BCHE: variants seen among roughly 807,000 people sequenced by gnomAD.
BCHE encodes the protein butyrylcholinesterase, also known as cholinesterase.
A neutral mutation model predicts 51.3 loss-of-function variants in BCHE; 48 were observed. The observed-to-expected ratio is 0.94, with a 90% CI of 0.74 to 1.19. The LOEUF (loss-of-function observed/expected upper bound fraction) is 1.19, where lower values mean the gene tolerates loss of function less well. Ranked by LOEUF, BCHE falls within the 50% of genes most tolerant of loss-of-function variation. BCHE has a pLI of 0.00. For missense variants in BCHE, 847 were observed against 708.2 expected, an observed-to-expected ratio of 1.20 and a Z score of -2.23; for synonymous variants, 251 against 238.0, an observed-to-expected ratio of 1.05 and a Z score of -0.50.
chr3:165,822,105 G>C (rs930980492), intron 2 of BCHE, among the ~76,000 whole-genome samples: 2 of 151,556 alleles, frequency 1.3e-5, no homozygotes, highest in Non-Finnish European at 2.9e-5. Flanking sequence ...TATCAAAACA[G>C]GACAAAATAA....
At chr3:165,773,632 C>T in intron 3 of BCHE, 126 bp from the exon 4 acceptor site, 1 of 729,358 alleles carries the variant, frequency 1.4e-6, no homozygotes, top group Non-Finnish European at 2.1e-6. Context: ...TTTATTTATT[C>T]TTTATTATTT....
chr3:165,775,208 C>A (rs1376771423), intron 3 of BCHE, among the ~76,000 whole-genome samples: 1 of 151,888 alleles, frequency 6.6e-6, no homozygotes, highest in Admixed American at 6.6e-5. Flanking sequence ...AATATTTAAA[C>A]CTTTTTGCAG....
chr3:165,826,330 T>C (rs1714720700), intron 2 of BCHE, among the ~76,000 whole-genome samples: 1 of 152,054 alleles, frequency 6.6e-6, no homozygotes, highest in African/African-American at 2.4e-5. Context: ...AATAAACTAC[T>C]TTACACATAC....
chr3:165,831,139 C>A, intron 1 of BCHE, 98 bp from the exon 2 acceptor site: 1 of 1,095,188 alleles, frequency 9.1e-7, no homozygotes. Context: ...GTTAGTAATT[C>A]TACAAATTAT....
At chr3:165,813,527 C>T (rs540999420) in intron 2 of BCHE, among the ~76,000 whole-genome samples, 52 of 151,694 alleles carry the variant, frequency 3.4e-4, no homozygotes, top group African/African-American at 1.3e-3. Flanking sequence ...TTTTTGAAAT[C>T]TCATTGAAAA....
chr3:165,814,397 C>T, intron 2 of BCHE, among the ~76,000 whole-genome samples: 1 of 151,956 alleles, frequency 6.6e-6, no homozygotes, highest in East Asian at 1.9e-4. Context: ...ATAGTTATAG[C>T]TTTAGAGATT....
At chr3:165,784,947 A>G (rs1376393974) in intron 3 of BCHE, among the ~76,000 whole-genome samples, 1 of 151,820 alleles carries the variant, frequency 6.6e-6, no homozygotes, top group Non-Finnish European at 1.5e-5. Flanking sequence ...GGAGGACAAA[A>G]GGATGGCACT....
In BCHE at chr3:165,830,687, A is replaced by G. The variant is rs1035513618; in HGVS notation, c.347T>C (p.Leu116Pro). Reference sequence around the variant, plus strand: ...ATTTAGATATAAACAGTCTTCACTGAGGTCAGTGTTTGGGTTCCACATCTC... The same window carrying G: ...ATTTAGATATAAACAGTCTTCACTGGGGTCAGTGTTTGGGTTCCACATCTC... ...GSEMWNPNTD[L>P]SEDCLYLNVW... Residue 116 changes from leucine to proline, a missense_variant, in exon 2 of 4, where the codon CTC (leucine) becomes CCC (proline). By Grantham distance (98) the Leu-to-Pro change is moderately conservative. Transcript: ENST00000264381. 6.2e-7 allele frequency: 1 copy of G among 1,614,018 alleles called. No homozygotes were observed. The highest frequency in any genetic ancestry group is 1.3e-5 in the African/African-American group (1 of 75,036).
chr3:165,816,320 G>T (rs1714311944), intron 2 of BCHE, among the ~76,000 whole-genome samples: 1 of 151,914 alleles, frequency 6.6e-6, no homozygotes, highest in African/African-American at 2.4e-5. Flanking sequence ...TAGAGTTGAT[G>T]ATTACACAAA....
At chr3:165,781,569 C>T (rs554281880) in intron 3 of BCHE, among the ~76,000 whole-genome samples, 281 of 151,322 alleles carry the variant, frequency 1.9e-3, no homozygotes, top group African/African-American at 6.5e-3. Context: ...GGGAGGGGAA[C>T]AGTACACACT....
In BCHE at chr3:165,829,633, G is replaced by A; in HGVS notation, c.1401C>T (p.Gly467=). The A allele has an allele frequency of 3.1e-6, 5 of 1,613,754 alleles. No homozygotes were observed. Among genetic ancestry groups the A allele is most frequent in the Non-Finnish European group, 4.2e-6 (5 of 1,179,828 alleles). ...PWPEWMGVMH[G]YEIEFVFGLP... ...AACCAAAGACAAATTCAATTTCATAGCCATGCATCACTCCCATCCATTCTG... is the reference window on the plus strand; with the variant it reads ...AACCAAAGACAAATTCAATTTCATAACCATGCATCACTCCCATCCATTCTG... The change falls in exon 2 of 4, where the codon GGC becomes GGT. Residue 467 remains glycine, a synonymous_variant. Coordinates refer to ENST00000264381, the MANE Select transcript of BCHE (RefSeq NM_000055.4).
chr3:165,813,833 G>A (rs1714200668), intron 2 of BCHE, among the ~76,000 whole-genome samples: 1 of 151,752 alleles, frequency 6.6e-6, no homozygotes, highest in Non-Finnish European at 1.5e-5. Context: ...ATTAAATTAA[G>A]AAAGATAAAA....
In BCHE at chr3:165,786,257, A is replaced by T; in HGVS notation, c.1572T>A (p.Thr524=). The T allele has an allele frequency of 3.7e-6, 6 of 1,612,128 alleles. No individual in the cohort carries two copies. Among genetic ancestry groups the T allele is most frequent in the Non-Finnish European group, 5.1e-6 (6 of 1,178,664 alleles). ...TATTCAAGGTTAGATATTTTTGTTC[A>T]GTGCTTTTGAAGACAGGCCAGCTTG... ...NSTSWPVFKS[T]EQKYLTLNTE... Residue 524 remains threonine (T), a synonymous_variant, in exon 3 of 4, where the codon ACT becomes ACA. Transcript: ENST00000264381.
At chr3:165,806,548 T>A (rs772284567) in intron 2 of BCHE, among the ~76,000 whole-genome samples, 7 of 152,180 alleles carry the variant, frequency 4.6e-5, no homozygotes, top group Non-Finnish European at 1.0e-4. Flanking sequence ...CCTAGCCCAG[T>A]GCCTGGCTCA....
At position 165,830,685 on chromosome 3, in the gene BCHE, T is replaced by C; in HGVS notation, c.349A>G (p.Ser117Gly). ...SEMWNPNTDL[S>G]EDCLYLNVWI... ...ACATTTAGATATAAACAGTCTTCACTGAGGTCAGTGTTTGGGTTCCACATC... is the reference window on the plus strand; with the variant it reads ...ACATTTAGATATAAACAGTCTTCACCGAGGTCAGTGTTTGGGTTCCACATC... The change falls in exon 2 of 4, where the codon AGT becomes GGT. Residue 117 changes from serine (S) to glycine (G), a missense_variant. Transcript: ENST00000264381. The C allele has an allele frequency of 1.2e-6, 2 of 1,614,062 alleles. No individual in the cohort carries two copies. The highest frequency in any genetic ancestry group is 1.7e-6 in the Non-Finnish European group (2 of 1,179,964).
intron 1 of BCHE, among the ~76,000 whole-genome samples, chr3:165,835,343 A>G (rs1220086449): frequency 6.6e-6 from 1 of 151,886 alleles, no homozygotes; most frequent in Non-Finnish European, 1.5e-5. Flanking sequence ...CTTGAATATC[A>G]ACCAGATTTT....
chr3:165,784,021 T>G (rs1373337908), intron 3 of BCHE, among the ~76,000 whole-genome samples: 1 of 151,978 alleles, frequency 6.6e-6, no homozygotes, highest in Admixed American at 6.6e-5. Flanking sequence ...AGGTGGTACT[T>G]ACAAAGCTTA....
At chr3:165,821,181 C>A (rs1714497744) in intron 2 of BCHE, among the ~76,000 whole-genome samples, 1 of 151,406 alleles carries the variant, frequency 6.6e-6, no homozygotes. Context: ...TTGAAGAGAC[C>A]TCTAAGAATT....
At chr3:165,778,747 GTTATCAAAT>G (rs1206479895) in intron 3 of BCHE, 3 of 433,802 alleles carry the variant, frequency 6.9e-6, no homozygotes, top group Non-Finnish European at 1.4e-5. Flanking sequence ...CTCTGTAAAT[GTTATCAAAT>G]TAGTTGACAA....
Sources: gnomAD v4.1 joint callset for allele counts (sites outside exome capture counted in the v4.1 genomes callset) on GRCh38, gnomAD v4.1.1 for gene constraint, MANE v1.5 for transcripts, NCBI Gene and HGNC (gene_info 2026-07-23, HGNC 2026-07-21) for gene names.